Variants in MECOM observed in about 807,000 individuals in gnomAD.
MECOM encodes MDS1 and EVI1 complex locus.
Under a neutral mutation model 116.3 loss-of-function variants are expected in MECOM, and 13 were observed. The ratio of observed to expected loss-of-function variants is 0.11; its 90% CI spans 0.07 to 0.18. The LOEUF (loss-of-function observed/expected upper bound fraction) is 0.18, where lower values mean the gene tolerates loss of function less well. MECOM is among the 10% of genes least tolerant of loss of function. The pLI, the probability that MECOM is intolerant of heterozygous loss-of-function variation, is 1.00. For synonymous variants in MECOM, 528 were observed against 535.2 expected (o/e 0.99, Z 0.19); for missense variants, 1,299 against 1,509.0 (o/e 0.86, Z 2.31).
At chr3:169,198,530 A>G (rs962797107) in intron 2 of MECOM, among the ~76,000 whole-genome samples, 3 of 151,926 alleles carry the variant, frequency 2.0e-5, no homozygotes, top group South Asian at 2.1e-4. Context: ...TCTGATGGCA[A>G]AGTCATTATT....
intron 3 of MECOM, among the ~76,000 whole-genome samples, chr3:169,133,110 T>TACACACAC (rs112130257): frequency 1.2e-4 from 18 of 147,290 alleles, no homozygotes; most frequent in African/African-American, 3.0e-4. Context: ...GCAAAACACA[T>TACACACAC]ACACACACAC....
chr3:169,131,828 T>C, intron 3 of MECOM: 2 of 795,872 alleles, frequency 2.5e-6, no homozygotes, highest in Non-Finnish European at 3.2e-6. Context: ...CTGTGTAATG[T>C]TTAACGAAGA....
chr3:169,174,841 C>T (rs1262502174), intron 2 of MECOM, among the ~76,000 whole-genome samples: 1 of 152,128 alleles, frequency 6.6e-6, no homozygotes, highest in Non-Finnish European at 1.5e-5. Flanking sequence ...TACCACATTA[C>T]TCAAATGACC....
chr3:169,385,119 A>G (rs1380372930), intron 1 of MECOM, among the ~76,000 whole-genome samples: 1 of 151,568 alleles, frequency 6.6e-6, no homozygotes, highest in Non-Finnish European at 1.5e-5. Flanking sequence ...AAAAAAAAAA[A>G]AAAAGCATAG....
chr3:169,516,429 AG>A (rs1756635577), intron 1 of MECOM, among the ~76,000 whole-genome samples: 1 of 152,220 alleles, frequency 6.6e-6, no homozygotes. Context: ...TACTATGAAT[AG>A]CGTACTCAAT....
chr3:169,465,217 G>A (rs182418139), intron 1 of MECOM, among the ~76,000 whole-genome samples: 1 of 152,158 alleles, frequency 6.6e-6, no homozygotes, highest in African/African-American at 2.4e-5. Context: ...GGGCTGAACT[G>A]CCTGGGTTTT....
At chr3:169,104,026 A>C (rs1383343153) in intron 10 of MECOM, among the ~76,000 whole-genome samples, 1 of 152,220 alleles carries the variant, frequency 6.6e-6, no homozygotes, top group Non-Finnish European at 1.5e-5. Flanking sequence ...AGGAAAGTCA[A>C]GATACATTTA....
chr3:169,097,909 ATAGGGACCAT>A lies in MECOM; in HGVS notation c.2850-2674_2850-2665del, dbSNP rs757127621. On this transcript the variant is annotated intron_variant, in intron 12 of 16. Transcript: ENST00000651503. ...TCTTTCTGAAGAGATAATTTTCTACATAGGGACCATGTTTAACTTTTACTACATAAAGTAT... is the reference window on the plus strand; with the variant it reads ...TCTTTCTGAAGAGATAATTTTCTACAGTTTAACTTTTACTACATAAAGTAT... Among the ~76,000 whole-genome samples the A allele has an allele frequency of 5.9e-5, 9 of 151,594 alleles. 1 individual carries two copies. The highest frequency in any genetic ancestry group is 1.0e-4 in the Non-Finnish European group (7 of 67,908).
At chr3:169,417,340 A>G (rs1316135667) in intron 1 of MECOM, among the ~76,000 whole-genome samples, 1 of 151,080 alleles carries the variant, frequency 6.6e-6, no homozygotes, top group Non-Finnish European at 1.5e-5. Context: ...TTATGCAGCC[A>G]AAAAACACAT....
chr3:169,634,498 A>G (rs142786950), intron 1 of MECOM, among the ~76,000 whole-genome samples: 1 of 152,318 alleles, frequency 6.6e-6, no homozygotes, highest in East Asian at 1.9e-4. Flanking sequence ...TGAGGATGTT[A>G]GCCAAGGCTT....
chr3:169,649,409 CAAAAAAAAA>C lies in MECOM; in HGVS notation c.37+13918_37+13926del, dbSNP rs71634436. ...GGGCGGCAAGAGCGAAACTCCATCT[CAAAAAAAAA>C]AAAAAAAAAAATAGGAAAACAAAAT... On this transcript the variant is annotated intron_variant, in intron 1 of 16. Transcript: ENST00000651503. 1.3e-4 allele frequency among the ~76,000 whole-genome samples: 10 copies of C among 74,452 alleles called. 1 individual carries two copies. Among genetic ancestry groups the C allele is most frequent in the Non-Finnish European group, 1.4e-4 (6 of 41,732 alleles). The allele number at this position is 74,452 out of a possible 152,430, so 48.8% of individuals were successfully genotyped here. A position where few individuals can be genotyped will look rare whatever the true frequency, so the allele number is the denominator to read the frequency against.
chr3:169,157,934 G>T (rs1482596624), intron 2 of MECOM, among the ~76,000 whole-genome samples: 1 of 152,134 alleles, frequency 6.6e-6, no homozygotes, highest in Non-Finnish European at 1.5e-5. Flanking sequence ...AAACCATAGA[G>T]CTGGATCATG....
At chr3:169,445,693 A>G (rs1185576432) in intron 1 of MECOM, among the ~76,000 whole-genome samples, 1 of 152,110 alleles carries the variant, frequency 6.6e-6, no homozygotes, top group Non-Finnish European at 1.5e-5. Flanking sequence ...AGATCCACCG[A>G]CAGCTTGCCC....
At chr3:169,502,571 C>T (rs1030892703) in intron 1 of MECOM, among the ~76,000 whole-genome samples, 1 of 152,040 alleles carries the variant, frequency 6.6e-6, no homozygotes, top group Non-Finnish European at 1.5e-5. Context: ...AAGTAATTAC[C>T]CAGAGTTGCT....
At chr3:169,473,729 A>T (rs9855095) in intron 1 of MECOM, among the ~76,000 whole-genome samples, 11,261 of 152,154 alleles carry the variant, frequency 0.074, 743 homozygotes, top group African/African-American at 0.17. Flanking sequence ...AGATTGCTCC[A>T]CTGCACTCCA....
chr3:169,591,386 T>C (rs1219636454), intron 1 of MECOM, among the ~76,000 whole-genome samples: 1 of 152,228 alleles, frequency 6.6e-6, no homozygotes, highest in Non-Finnish European at 1.5e-5. Context: ...TCTGCTGTTA[T>C]TTTGTAGGCT....
At chr3:169,329,949 T>C (rs754147393) in intron 2 of MECOM, among the ~76,000 whole-genome samples, 8 of 152,174 alleles carry the variant, frequency 5.3e-5, no homozygotes, top group Non-Finnish European at 1.0e-4. Flanking sequence ...CCACAAAGTG[T>C]TTTGTGTGTC....
chr3:169,633,736 C>T (rs532050799), intron 1 of MECOM, among the ~76,000 whole-genome samples: 5 of 152,084 alleles, frequency 3.3e-5, no homozygotes, highest in Admixed American at 2.0e-4. Flanking sequence ...GGTAAAGTGG[C>T]CATGCTTCGT....
chr3:169,378,796 G>T (rs186637697), intron 2 of MECOM, among the ~76,000 whole-genome samples: 188 of 152,150 alleles, frequency 1.2e-3, no homozygotes, highest in Non-Finnish European at 1.8e-3. Flanking sequence ...GCAATGATTT[G>T]TTCAGTTATG....
Sources: gnomAD v4.1 joint callset for allele counts (sites outside exome capture counted in the v4.1 genomes callset) on GRCh38, gnomAD v4.1.1 for gene constraint, MANE v1.5 for transcripts, NCBI Gene and HGNC (gene_info 2026-07-23, HGNC 2026-07-21) for gene names.